The following ANKRD28 variants were observed in gnomAD, a reference collection of about 807,000 sequenced individuals.
ANKRD28 encodes the protein serine/threonine-protein phosphatase 6 regulatory ankyrin repeat subunit A.
ANKRD28 carries 44 observed loss-of-function variants against 126.5 expected under a neutral mutation model. The observed-to-expected ratio is 0.35, with a 90% CI of 0.27 to 0.45. The LOEUF is 0.45. Ranked by LOEUF, ANKRD28 falls within the 20% of genes least tolerant of loss-of-function variation. ANKRD28 has a pLI of 1.00. For synonymous variants in ANKRD28, 442 were observed against 468.5 expected (o/e 0.94, Z 0.73); for missense variants, 1,110 against 1,316.6 (o/e 0.84, Z 2.43).
chr3:15,849,191 G>A lies in ANKRD28; in HGVS notation c.27+10186C>T, dbSNP rs78245501. Among the ~76,000 whole-genome samples the A allele has an allele frequency of 4.2e-3, 632 of 152,216 alleles. 5 individuals carry two copies. Among genetic ancestry groups the A allele is most frequent in the East Asian group, 0.019 (101 of 5,186 alleles). ...AAATGGAAAGCATCCCATGTTCATG[G>A]AAAGACTATTATCATTAAGATGGCA... On this transcript the variant is annotated intron_variant, in intron 1 of 27. Transcript: ENST00000399451.
rs2061513767 is a variant in ANKRD28, at chr3:15,845,616, C to CT, written c.27+13760dup. Among the ~76,000 whole-genome samples, 2 of 152,218 alleles carry CT rather than the reference C, an allele frequency of 1.3e-5. No homozygotes were observed. Among genetic ancestry groups the CT allele is most frequent in the Non-Finnish European group, 2.9e-5 (2 of 68,044 alleles). ...CCACTGCTCACTCTGATGCTGAAGT[C>CT]TGCTTATACATCCTTTAAAAGCCAG... is the stretch of plus-strand genomic sequence containing the variant. On this transcript the variant is annotated intron_variant, in intron 1 of 27. Transcript: ENST00000399451. The surrounding 1 kb of genome is among the most constrained non-coding windows in gnomAD (Gnocchi z 4.9).
intron 27 of ANKRD28, among the ~76,000 whole-genome samples, chr3:15,673,573 A>T (rs2066597760): frequency 6.6e-6 from 1 of 152,242 alleles, no homozygotes; most frequent in Non-Finnish European, 1.5e-5. Flanking sequence ...AAAAAAGAGG[A>T]AAGAGTGGAG....
rs1032185092 is a variant in ANKRD28, at chr3:15,814,445, A to G, written c.28-19139T>C. 3.2e-6 allele frequency: 1 copy of G among 310,932 alleles called. No individual in the cohort carries two copies. Among genetic ancestry groups the G allele is most frequent in the Non-Finnish European group, 5.2e-6 (1 of 192,792 alleles). 19.3% of individuals were successfully genotyped at this position (310,932 alleles called of 1,614,324 possible). ...TATTCAAAAACTTACTTTGGATTTTATTAATTCAGAATTTACTTTTATCCT... is the reference window on the plus strand; with the variant it reads ...TATTCAAAAACTTACTTTGGATTTTGTTAATTCAGAATTTACTTTTATCCT... On this transcript the variant is annotated intron_variant, in intron 1 of 27. Transcript: ENST00000399451. The surrounding 1 kb of genome is among the most constrained non-coding windows in gnomAD (Gnocchi z 4.7).
intron 14 of ANKRD28, among the ~76,000 whole-genome samples, chr3:15,704,969 CAACTCT>C (rs916477150): frequency 6.6e-6 from 1 of 152,134 alleles, no homozygotes; most frequent in African/African-American, 2.4e-5. Flanking sequence ...GTTTTCCCAG[CAACTCT>C]AACAGGGAGG....
chr3:15,742,377 C>A (rs988415889), intron 4 of ANKRD28, among the ~76,000 whole-genome samples: 3 of 150,280 alleles, frequency 2.0e-5, no homozygotes. Flanking sequence ...TGGGGAGCGC[C>A]TCTGCCCCGC....
At chr3:15,822,053 G>A (rs1178061327) in intron 1 of ANKRD28, among the ~76,000 whole-genome samples, 2 of 152,182 alleles carry the variant, frequency 1.3e-5, no homozygotes, top group Non-Finnish European at 2.9e-5. Flanking sequence ...GAAAATAAAG[G>A]TTTTGAAAGC....
chr3:15,703,113 AC>A (rs2070849922), intron 14 of ANKRD28, among the ~76,000 whole-genome samples: 1 of 152,212 alleles, frequency 6.6e-6, no homozygotes, highest in Non-Finnish European at 1.5e-5. Context: ...AATGTAAGTC[AC>A]ATACAAAAGG....
intron 14 of ANKRD28, among the ~76,000 whole-genome samples, chr3:15,700,209 A>G (rs961148741): frequency 6.6e-6 from 1 of 152,182 alleles, no homozygotes; most frequent in African/African-American, 2.4e-5. Flanking sequence ...GGGGAACATT[A>G]CACACACAAC....
intron 2 of ANKRD28, among the ~76,000 whole-genome samples, chr3:15,783,456 C>T (rs1442057552): frequency 6.6e-6 from 1 of 151,834 alleles, no homozygotes. Context: ...GTTTGGGAAA[C>T]AGTTTGTCAG....
At chr3:15,803,286 T>C (rs2060501812) in intron 1 of ANKRD28, among the ~76,000 whole-genome samples, 1 of 152,140 alleles carries the variant, frequency 6.6e-6, no homozygotes, top group South Asian at 2.1e-4. Context: ...GAGTGGGTGA[T>C]CTGAATTAGG....
rs185586736 is a variant in ANKRD28, at chr3:15,772,980, G to A, written c.202-6668C>T. Among the ~76,000 whole-genome samples, 361 of 152,072 alleles carry A rather than the reference G, an allele frequency of 2.4e-3. 2 individuals carry two copies. Among genetic ancestry groups the A allele is most frequent in the Non-Finnish European group, 2.8e-4 (19 of 67,990 alleles). On this transcript the variant is annotated intron_variant, in intron 2 of 27. Coordinates refer to ENST00000683139, the MANE Select transcript of ANKRD28 (RefSeq NM_001349278.2). Reference sequence around the variant, plus strand: ...AGAGTGAATGTTTTTTTCTGAGATAGGAATGAGGCAAAAATGTCTACTCTC... The same window carrying A: ...AGAGTGAATGTTTTTTTCTGAGATAAGAATGAGGCAAAAATGTCTACTCTC...
At chr3:15,708,132 T>C (rs2071717404) in intron 13 of ANKRD28, 68 bp from the exon 14 acceptor site, 1 of 1,497,152 alleles carries the variant, frequency 6.7e-7, no homozygotes, top group African/African-American at 1.4e-5. Context: ...AAAGCATAGT[T>C]GACTCTTACT....
At chr3:15,718,668 C>G (rs966221244) in intron 8 of ANKRD28, among the ~76,000 whole-genome samples, 1 of 151,848 alleles carries the variant, frequency 6.6e-6, no homozygotes. Context: ...CTTTTAAAGA[C>G]AGCATCATGT....
chr3:15,733,709 AT>A (rs2074818313), intron 6 of ANKRD28, among the ~76,000 whole-genome samples: 1 of 152,156 alleles, frequency 6.6e-6, no homozygotes, highest in South Asian at 2.1e-4. Flanking sequence ...CTTATTTTAA[AT>A]GTTTTATTGG....
At chr3:15,787,950 G>A (rs1440428955) in intron 2 of ANKRD28, among the ~76,000 whole-genome samples, 2 of 152,132 alleles carry the variant, frequency 1.3e-5, no homozygotes, top group African/African-American at 4.8e-5. Context: ...AAGCCAATAA[G>A]CAGAATATAC....
At chr3:15,698,495 C>T (rs1285107764) in intron 14 of ANKRD28, among the ~76,000 whole-genome samples, 3 of 152,298 alleles carry the variant, frequency 2.0e-5, no homozygotes, top group South Asian at 4.1e-4. Flanking sequence ...AAAACCCCAT[C>T]GTCTCAGCTC....
chr3:15,785,364 T>A (rs1378306178), intron 2 of ANKRD28, among the ~76,000 whole-genome samples: 1 of 152,066 alleles, frequency 6.6e-6, no homozygotes, highest in African/African-American at 2.4e-5. Flanking sequence ...TCCCAAAACC[T>A]AACCAGAAGA....
chr3:15,697,551 G>A (rs1396587880), intron 14 of ANKRD28, among the ~76,000 whole-genome samples: 3 of 151,852 alleles, frequency 2.0e-5, no homozygotes, highest in East Asian at 1.9e-4. Flanking sequence ...GATGGATTAC[G>A]TGTATTGATT....
Position 15,795,179 on chromosome 3 carries a change from A to C in ANKRD28, c.201+44T>G, listed in dbSNP as rs757542554. Reference sequence around the variant, plus strand: ...ATCACAATTCTAGGAAAGAATTTTAAAAAGCAGTTTTAAAGGCTGGCATCA... The same window carrying C: ...ATCACAATTCTAGGAAAGAATTTTACAAAGCAGTTTTAAAGGCTGGCATCA... On this transcript the variant is annotated intron_variant, in intron 2 of 27. Coordinates refer to ENST00000683139, the MANE Select transcript of ANKRD28 (RefSeq NM_001349278.2). 1.8e-5 allele frequency: 24 copies of C among 1,319,194 alleles called. No homozygotes were observed. The South Asian group carries it at 2.9e-4, about 16-fold the overall frequency. The allele number at this position is 1,319,194 out of a possible 1,614,324, so 81.7% of individuals were successfully genotyped here.
Sources: allele counts gnomAD v4.1 joint callset (sites outside exome capture counted in the v4.1 genomes callset), GRCh38; gene constraint gnomAD v4.1.1; non-coding constraint Gnocchi (gnomAD v3.1); transcripts MANE v1.5; gene names NCBI Gene and HGNC (gene_info 2026-07-23, HGNC 2026-07-21).